CSNK2A2IP: variants seen among roughly 807,000 people sequenced by gnomAD.
CSNK2A2IP encodes casein kinase 2 subunit alpha' interacting protein, also known as casein kinase II subunit alpha'-interacting protein.
At chr3:88,354,550 T>C in the CSNK2A2IP span, among the ~76,000 whole-genome samples, 1 of 152,166 alleles carries the variant, frequency 6.6e-6, no homozygotes, top group African/African-American at 2.4e-5. Flanking sequence ...AGAGATGTTA[T>C]GCATAGTACA....
the CSNK2A2IP span, chr3:88,467,551 C>T: frequency 3.8e-5 from 15 of 398,314 alleles, no homozygotes; most frequent in South Asian, 6.4e-4. Flanking sequence ...CAAATTTTTC[C>T]GGACAAAATG....
At chr3:88,360,820 T>G in the CSNK2A2IP span, among the ~76,000 whole-genome samples, 2 of 151,670 alleles carry the variant, frequency 1.3e-5, no homozygotes, top group Non-Finnish European at 2.9e-5. Flanking sequence ...AATTTTTTGG[T>G]TTTTTTTATT....
chr3:88,394,869 G>T, the CSNK2A2IP span, among the ~76,000 whole-genome samples: 1 of 152,142 alleles, frequency 6.6e-6, no homozygotes, highest in Non-Finnish European at 1.5e-5. Context: ...ACAGACACTG[G>T]GGTCTACTTG....
chr3:88,459,909 T>G, the CSNK2A2IP span, among the ~76,000 whole-genome samples: 1 of 152,152 alleles, frequency 6.6e-6, no homozygotes, highest in African/African-American at 2.4e-5. Context: ...TATTATACTG[T>G]TAAATTTAGT....
the CSNK2A2IP span, among the ~76,000 whole-genome samples, chr3:88,462,407 T>C: frequency 6.6e-6 from 1 of 152,180 alleles, no homozygotes. Flanking sequence ...TGTTTATTAC[T>C]CACACAGGCA....
chr3:88,461,701 T>C, the CSNK2A2IP span, among the ~76,000 whole-genome samples: 1 of 152,186 alleles, frequency 6.6e-6, no homozygotes, highest in Non-Finnish European at 1.5e-5. Context: ...TTAGTTTTAA[T>C]TTTATGTTAG....
At chr3:88,454,210 A>C in the CSNK2A2IP span, among the ~76,000 whole-genome samples, 2 of 152,016 alleles carry the variant, frequency 1.3e-5, no homozygotes, top group African/African-American at 2.4e-5. Context: ...TCATGTACTT[A>C]CATCCCATTC....
the CSNK2A2IP span, among the ~76,000 whole-genome samples, chr3:88,426,891 G>A: frequency 8.3e-6 from 1 of 119,810 alleles, no homozygotes; most frequent in Non-Finnish European, 1.7e-5. Context: ...ACGGGGGATG[G>A]GGGGGGGCGG....
chr3:88,442,091 C>A, the CSNK2A2IP span, among the ~76,000 whole-genome samples: 1 of 152,148 alleles, frequency 6.6e-6, no homozygotes, highest in Non-Finnish European at 1.5e-5. Flanking sequence ...ATCTCATGTA[C>A]GTTTGTCATT....
chr3:88,413,643 A>G, the CSNK2A2IP span, among the ~76,000 whole-genome samples: 1 of 151,932 alleles, frequency 6.6e-6, no homozygotes, highest in Non-Finnish European at 1.5e-5. Flanking sequence ...GCATGCTTAC[A>G]TATGTAGATA....
At chr3:88,350,691 G>A in the CSNK2A2IP span, among the ~76,000 whole-genome samples, 1 of 151,102 alleles carries the variant, frequency 6.6e-6, no homozygotes, top group Admixed American at 6.6e-5. Flanking sequence ...TCATCTTTAA[G>A]GGACAAATTA....
At chr3:88,344,851 C>T in the CSNK2A2IP span, among the ~76,000 whole-genome samples, 1 of 151,866 alleles carries the variant, frequency 6.6e-6, no homozygotes, top group African/African-American at 2.4e-5. Context: ...ATTGAAAATG[C>T]AAATTAATTG....
chr3:88,366,296 G>A, the CSNK2A2IP span, among the ~76,000 whole-genome samples: 3,608 of 152,180 alleles, frequency 0.024, 90 homozygotes, highest in East Asian at 0.075. Flanking sequence ...TCCAGTTTAG[G>A]CAGTTTGTAC....
the CSNK2A2IP span, among the ~76,000 whole-genome samples, chr3:88,352,698 C>T: frequency 8.6e-5 from 13 of 152,014 alleles, no homozygotes. Context: ...CCTGCCTCAG[C>T]TTCTTGAGTA....
At chr3:88,443,736 A>G in the CSNK2A2IP span, among the ~76,000 whole-genome samples, 2 of 152,182 alleles carry the variant, frequency 1.3e-5, no homozygotes, top group African/African-American at 2.4e-5. Flanking sequence ...ATTAATGTTA[A>G]TATCTACTGA....
the CSNK2A2IP span, chr3:88,466,574 C>A: frequency 8.1e-7 from 1 of 1,231,608 alleles, no homozygotes. Flanking sequence ...AAGACAGAAT[C>A]AAATAAAGAA....
At chr3:88,389,949 C>T in the CSNK2A2IP span, among the ~76,000 whole-genome samples, 175 of 151,518 alleles carry the variant, frequency 1.2e-3, 1 homozygote, top group Admixed American at 5.0e-3. Context: ...TCCTTTCTTC[C>T]AAGAAAATCA....
At chr3:88,465,627 A>G in the CSNK2A2IP span, 1 of 1,231,662 alleles carries the variant, frequency 8.1e-7, no homozygotes, top group Non-Finnish European at 1.0e-6. Flanking sequence ...TTCTGAATTC[A>G]CCATTGTTCC....
the CSNK2A2IP span, among the ~76,000 whole-genome samples, chr3:88,391,966 G>A: frequency 6.6e-6 from 1 of 152,330 alleles, no homozygotes; most frequent in East Asian, 1.9e-4. Flanking sequence ...GATTGCAGAA[G>A]TTTGTTAAAG....
Sources: gnomAD v4.1 joint callset for allele counts (sites outside exome capture counted in the v4.1 genomes callset) on GRCh38, gnomAD v4.1.1 for gene constraint, MANE v1.5 for transcripts, NCBI Gene and HGNC (gene_info 2026-07-23, HGNC 2026-07-21) for gene names.